NLRP4: variants seen among roughly 807,000 people sequenced by gnomAD.
NLRP4 encodes NLR family pyrin domain containing 4.
In NLRP4, 44 loss-of-function variants were observed where a neutral mutation model predicts 84.7. The ratio of observed to expected loss-of-function variants is 0.52; its 90% CI spans 0.41 to 0.67. NLRP4 has a LOEUF of 0.67. Ranked by LOEUF, NLRP4 falls within the 30% of genes least tolerant of loss-of-function variation. NLRP4 has a pLI of 0.00. For synonymous variants in NLRP4, 544 were observed against 476.4 expected, an observed-to-expected ratio of 1.14 and a Z score of -1.85; for missense variants, 1,260 against 1,219.4, an observed-to-expected ratio of 1.03 and a Z score of -0.50.
At position 55,858,677 on chromosome 19, in the gene NLRP4, C is replaced by T. The variant is rs35079526; in HGVS notation, c.1284C>T (p.Asp428=). ...DLRRNGVVDA[D]IPALLGTKIL... ...GGAGAAATGGGGTTGTTGACGCTGA[C>T]ATCCCTGCGCTGCTGGGCACCAAGA... is the stretch of plus-strand genomic sequence containing the variant. The change falls in exon 3 of 10, where the codon GAC becomes GAT. Residue 428 remains aspartate, a synonymous_variant. Transcript: ENST00000301295. This position sits in a 1 kb window ranked among gnomAD's most constrained non-coding sequence, Gnocchi z 4.2. 3,870 of 1,614,158 alleles carry T rather than the reference C, an allele frequency of 2.4e-3. 90 individuals carry two copies. In the African/African-American group the frequency reaches 0.043, roughly 18 times the overall value.
In NLRP4 at chr19:55,852,260, C is replaced by G; in HGVS notation, c.180C>G (p.Ile60Met). 3.7e-6 allele frequency: 6 copies of G among 1,608,264 alleles called. No individual in the cohort carries two copies. Among genetic ancestry groups the G allele is most frequent in the Non-Finnish European group, 5.1e-6 (6 of 1,177,912 alleles). ...GGGAAGAACTTGCAAACCTCTTGAT[C>G]AAGCACTATGAAGAACAACAAGCTT... ...ASREELANLLIKHYEEQQAWN... is the reference protein window; with the variant it reads ...ASREELANLLMKHYEEQQAWN... The change falls in exon 2 of 10, where the codon ATC becomes ATG. Residue 60 changes from isoleucine to methionine, a missense_variant. Ile to Met is a conservative substitution (Grantham distance 10). This residue lies in a region of NLRP4 where 712 missense variants were observed against 669.2 expected (regional missense o/e 1.06). Coordinates refer to ENST00000301295, the MANE Select transcript of NLRP4 (RefSeq NM_134444.5).
In NLRP4 at chr19:55,858,051, G is replaced by A. The variant is rs758899531; in HGVS notation, c.658G>A (p.Val220Met). The stretch of plus-strand genomic sequence containing the variant: ...CCCCGCTGCTCCTATAACAGAGATC[G>A]TGTCTCAACCGGAGAGACTCTTGTT... Reference protein sequence around the residue: ...PDPAAPITEIVSQPERLLFVI... With the variant: ...PDPAAPITEIMSQPERLLFVI... Residue 220 changes from valine to methionine, a missense_variant, in exon 3 of 10, where the codon GTG becomes ATG. Transcript: ENST00000301295. The surrounding 1 kb of genome is among the most constrained non-coding windows in gnomAD (Gnocchi z 4.2). The A allele has an allele frequency of 5.6e-6, 9 of 1,614,152 alleles. No homozygotes were observed. The highest frequency in any genetic ancestry group is 1.3e-5 in the African/African-American group (1 of 75,050).
chr19:55,875,826 C>A (rs1985346277), intron 7 of NLRP4, among the ~76,000 whole-genome samples: 2 of 150,518 alleles, frequency 1.3e-5, no homozygotes, highest in Admixed American at 6.6e-5. Context: ...GTCAGGAGTT[C>A]AAGACCAGCT....
In NLRP4 at chr19:55,857,863, A is replaced by G; in HGVS notation, c.470A>G (p.Gln157Arg). The G allele has an allele frequency of 1.9e-6, 3 of 1,614,092 alleles. No homozygotes were observed. The highest frequency in any genetic ancestry group is 2.5e-6 in the Non-Finnish European group (3 of 1,179,952). ...QPRTVIIQGP[Q>R]GIGKTTLLMK... The stretch of plus-strand genomic sequence containing the variant: ...CGTACAGTGATCATTCAAGGACCAC[A>G]AGGAATTGGAAAAACGACACTCCTG... Residue 157 changes from glutamine (Q) to arginine (R), a missense_variant, in exon 3 of 10, where the codon CAA becomes CGA. Transcript: ENST00000301295.
At chr19:55,863,882 T>C (rs1270566921) in intron 5 of NLRP4, among the ~76,000 whole-genome samples, 1 of 152,162 alleles carries the variant, frequency 6.6e-6, no homozygotes, top group Non-Finnish European at 1.5e-5. Flanking sequence ...CTGTAAATAC[T>C]TACCCTCTAC....
In NLRP4 at chr19:55,858,639, G is replaced by A. The variant is rs1272252653; in HGVS notation, c.1246G>A (p.Glu416Lys). The change falls in exon 3 of 10, where the codon GAA becomes AAA. Residue 416 changes from glutamate (E) to lysine (K), a missense_variant. Physicochemically the swap from Glu to Lys is moderately conservative, Grantham distance 56 (BLOSUM62 1). Transcript: ENST00000301295. The surrounding 1 kb of genome is among the most constrained non-coding windows in gnomAD (Gnocchi z 4.2). ...GMWTDTFEFC[E>K]DDLRRNGVVD... is the part of the protein sequence containing the mutation. The stretch of plus-strand genomic sequence containing the variant: ...GTGGACAGACACATTTGAGTTTTGT[G>A]AAGACGACCTCCGGAGAAATGGGGT... The A allele has an allele frequency of 6.2e-7, 1 of 1,614,210 alleles. No individual in the cohort carries two copies. The highest frequency in any genetic ancestry group is 2.2e-5 in the East Asian group (1 of 44,890).
At chr19:55,855,812 G>A (rs1313693515) in intron 2 of NLRP4, among the ~76,000 whole-genome samples, 1 of 152,250 alleles carries the variant, frequency 6.6e-6, no homozygotes, top group Non-Finnish European at 1.5e-5. Context: ...CCTCTAGGCT[G>A]GTGCTCCAGA....
rs997241541 is a variant in NLRP4 at position 55,843,527 on chromosome 19, C to T, written c.-66+6593C>T. Among the ~76,000 whole-genome samples, 16 of 151,844 alleles carry T rather than the reference C, an allele frequency of 1.1e-4. 1 individual carries two copies. The stretch of plus-strand genomic sequence containing the variant: ...CCAACATGGTGAAACCCTGTCTCTA[C>T]TAAAAATACAAAAAATTAGCCAGGC... On this transcript the variant is annotated intron_variant, in intron 1 of 9. Coordinates refer to ENST00000301295, the MANE Select transcript of NLRP4 (RefSeq NM_134444.5).
At chr19:55,865,338 A>G (rs1324993370) in intron 5 of NLRP4, among the ~76,000 whole-genome samples, 1 of 152,196 alleles carries the variant, frequency 6.6e-6, no homozygotes, top group East Asian at 1.9e-4. Context: ...TTATGGCTGC[A>G]TAGTATTCCA....
At chr19:55,840,116 G>A (rs1447536008) in intron 1 of NLRP4, among the ~76,000 whole-genome samples, 1 of 152,150 alleles carries the variant, frequency 6.6e-6, no homozygotes, top group African/African-American at 2.4e-5. Flanking sequence ...ATTGGTAGCT[G>A]ATTCGTCTAT....
At chr19:55,852,633 T>C (rs969188799) in intron 2 of NLRP4, among the ~76,000 whole-genome samples, 4 of 151,974 alleles carry the variant, frequency 2.6e-5, no homozygotes, top group Admixed American at 2.0e-4. Context: ...CCTGCCACCA[T>C]GCCTGGCTAA....
intron 7 of NLRP4, among the ~76,000 whole-genome samples, chr19:55,873,618 T>A (rs1298584186): frequency 6.6e-6 from 1 of 152,120 alleles, no homozygotes; most frequent in Non-Finnish European, 1.5e-5. Flanking sequence ...ATAGTTAATC[T>A]TAAGTAAATT....
chr19:55,849,176 T>A (rs1983920333), intron 1 of NLRP4, among the ~76,000 whole-genome samples: 1 of 152,176 alleles, frequency 6.6e-6, no homozygotes, highest in Non-Finnish European at 1.5e-5. Flanking sequence ...CTACTTGGAA[T>A]TCTTCTTCTT....
chr19:55,858,552 G>T lies in NLRP4; in HGVS notation c.1159G>T (p.Gly387Cys). The T allele has an allele frequency of 1.2e-6, 2 of 1,614,116 alleles. No individual in the cohort carries two copies. Among genetic ancestry groups the T allele is most frequent in the Non-Finnish European group, 1.7e-6 (2 of 1,180,026 alleles). Residue 387 changes from glycine to cysteine, a missense_variant, in exon 3 of 10, where the codon GGC becomes TGC. Around this residue, in one of 3 missense-constraint regions of NLRP4, gnomAD observed 712 missense variants for 669.2 expected, o/e 1.06. Coordinates refer to ENST00000301295, the MANE Select transcript of NLRP4 (RefSeq NM_134444.5). The surrounding 1 kb of genome is among the most constrained non-coding windows in gnomAD (Gnocchi z 4.2). ...CCTGTTCACACCTGAGGGTGCCGAGGGCCCGACTCCGCAAACCCAGCACCA... is the reference window on the plus strand; with the variant it reads ...CCTGTTCACACCTGAGGGTGCCGAGTGCCCGACTCCGCAAACCCAGCACCA... The part of the protein sequence containing the change: ...FNLFTPEGAE[G>C]PTPQTQHQLK...
chr19:55,860,164 T>C (rs1465849529), intron 3 of NLRP4, among the ~76,000 whole-genome samples: 2 of 151,908 alleles, frequency 1.3e-5, no homozygotes, highest in Non-Finnish European at 2.9e-5. Flanking sequence ...TTTTTGTGTT[T>C]TTAGTAGAGA....
chr19:55,848,461 T>C (rs1983885476), intron 1 of NLRP4, among the ~76,000 whole-genome samples: 1 of 151,974 alleles, frequency 6.6e-6, no homozygotes, highest in Admixed American at 6.5e-5. Context: ...TAGAGTGCAG[T>C]GGCACGATCT....
chr19:55,858,900 C>A lies in NLRP4; in HGVS notation c.1507C>A (p.Leu503Ile). 2.5e-6 allele frequency: 4 copies of A among 1,614,138 alleles called. No individual in the cohort carries two copies. The highest frequency in any genetic ancestry group is 3.4e-6 in the Non-Finnish European group (4 of 1,180,020). ...ACATTGGATTTTTTTGGGGTGTTTT[C>A]TAACTGGCCTTTTAAATAAAAAGGA... is the stretch of plus-strand genomic sequence containing the variant. ...RAHWIFLGCF[L>I]TGLLNKKEQE... The change falls in exon 3 of 10, where the codon CTA becomes ATA. Residue 503 changes from leucine to isoleucine, a missense_variant. Physicochemically the swap from Leu to Ile is conservative, Grantham distance 5 (BLOSUM62 2). Transcript: ENST00000301295. The surrounding 1 kb of genome is among the most constrained non-coding windows in gnomAD (Gnocchi z 4.2).
At position 55,858,115 on chromosome 19, in the gene NLRP4, A is replaced by G. The variant is rs979315216; in HGVS notation, c.722A>G (p.Asn241Ser). ...DSFEELQGGLNEPDSDLCGDL... is the reference protein window; with the variant it reads ...DSFEELQGGLSEPDSDLCGDL... ...TTCGAAGAGCTGCAGGGCGGCTTGA[A>G]CGAACCCGATTCGGATCTGTGTGGT... The change falls in exon 3 of 10, where the codon AAC becomes AGC. Residue 241 changes from asparagine to serine, a missense_variant. By Grantham distance (46) the Asn-to-Ser change is conservative. This residue lies in a region of NLRP4 where 712 missense variants were observed against 669.2 expected (regional missense o/e 1.06). Coordinates refer to ENST00000301295, the MANE Select transcript of NLRP4 (RefSeq NM_134444.5). The surrounding 1 kb of genome is among the most constrained non-coding windows in gnomAD (Gnocchi z 4.2). 4.3e-6 allele frequency: 7 copies of G among 1,614,010 alleles called. No individual in the cohort carries two copies. Among genetic ancestry groups the G allele is most frequent in the Non-Finnish European group, 5.9e-6 (7 of 1,180,036 alleles).
chr19:55,881,799 G>A lies in NLRP4; in HGVS notation c.*212G>A, dbSNP rs982382015. 5 of 388,484 alleles carry A rather than the reference G, an allele frequency of 1.3e-5. No homozygotes were observed. The highest frequency in any genetic ancestry group is 1.0e-4 in the African/African-American group (5 of 48,324). The allele number at this position is 388,484 out of a possible 1,614,324, so 24.1% of individuals were successfully genotyped here. A position where few individuals can be genotyped will look rare whatever the true frequency, so the allele number is the denominator to read the frequency against. Reference sequence around the variant, plus strand: ...ACTGAAAGGCCTTCATGGTCTCTCGGTCTCACAAGGACCTCTTAACCCCTC... The same window carrying A: ...ACTGAAAGGCCTTCATGGTCTCTCGATCTCACAAGGACCTCTTAACCCCTC... On this transcript the variant is annotated 3_prime_UTR_variant, in exon 10 of 10. Transcript: ENST00000301295.
Sources: gnomAD v4.1 joint callset for allele counts (sites outside exome capture counted in the v4.1 genomes callset) on GRCh38, gnomAD v4.1.1 for gene constraint, gnomAD v4.1.1 regional missense constraint, Gnocchi (gnomAD v3.1) non-coding constraint, MANE v1.5 for transcripts, NCBI Gene and HGNC (gene_info 2026-07-23, HGNC 2026-07-21) for gene names.